Variants in UBTD2 observed in about 807,000 individuals in gnomAD.
UBTD2 encodes ubiquitin domain containing 2.
UBTD2 carries 9 observed loss-of-function variants against 19.8 expected under a neutral mutation model. The ratio of observed to expected loss-of-function variants is 0.46; its 90% CI spans 0.27 to 0.79. The LOEUF is 0.79. Ranked by LOEUF, UBTD2 falls within the 30% of genes least tolerant of loss-of-function variation. The pLI is 0.14. For synonymous variants in UBTD2, 98 were observed against 103.9 expected, an observed-to-expected ratio of 0.94 and a Z score of 0.35; for missense variants, 250 against 300.4, an observed-to-expected ratio of 0.83 and a Z score of 1.24.
intron 1 of UBTD2, among the ~76,000 whole-genome samples, chr5:172,269,886 G>A (rs1197937741): frequency 1.3e-5 from 2 of 151,572 alleles, no homozygotes; most frequent in African/African-American, 2.4e-5. Context: ...GACCGGCCTG[G>A]CCAACATGGT....
At chr5:172,219,823 A>G (rs1173899446) in intron 2 of UBTD2, among the ~76,000 whole-genome samples, 2 of 152,214 alleles carry the variant, frequency 1.3e-5, no homozygotes, top group African/African-American at 4.8e-5. Flanking sequence ...TCAGTTGAAA[A>G]AGGCATTACA....
chr5:172,267,917 G>A (rs1016018605), intron 1 of UBTD2, among the ~76,000 whole-genome samples: 1 of 152,194 alleles, frequency 6.6e-6, no homozygotes, highest in Non-Finnish European at 1.5e-5. Context: ...GAACACTCAA[G>A]GGTTCTTCTG....
At chr5:172,259,402 A>C in intron 1 of UBTD2, among the ~76,000 whole-genome samples, 1 of 151,926 alleles carries the variant, frequency 6.6e-6, no homozygotes, top group South Asian at 2.1e-4. Context: ...CAGCCTCCCA[A>C]AGTGCTGGGA....
chr5:172,228,261 T>C (rs985325190), intron 2 of UBTD2, among the ~76,000 whole-genome samples: 3 of 152,316 alleles, frequency 2.0e-5, no homozygotes, highest in East Asian at 1.9e-4. Context: ...GTCCAGGGCA[T>C]TGAGTTGCAT....
At chr5:172,212,257 T>G (rs1771467255) in intron 2 of UBTD2, 30 bp from the exon 3 acceptor site, 1 of 1,550,428 alleles carries the variant, frequency 6.4e-7, no homozygotes, top group African/African-American at 1.4e-5. Flanking sequence ...GAATAAGAAC[T>G]TAATCCTTAA....
At chr5:172,240,184 T>C (rs1340254405) in intron 1 of UBTD2, among the ~76,000 whole-genome samples, 1 of 152,196 alleles carries the variant, frequency 6.6e-6, no homozygotes, top group Admixed American at 6.5e-5. Flanking sequence ...TAATCTATGT[T>C]GTGGAGATAC....
rs373100559 is a variant in UBTD2 at position 172,217,657 on chromosome 5, T to C, written c.308-5430A>G. Among the ~76,000 whole-genome samples, 14 of 152,090 alleles carry C rather than the reference T, an allele frequency of 9.2e-5. No individual in the cohort carries two copies. In the East Asian group the frequency reaches 1.7e-3, roughly 19 times the overall value. On this transcript the variant is annotated intron_variant, in intron 2 of 2. Transcript: ENST00000393792. Reference sequence around the variant, plus strand: ...TACCCCACCATGCCCAGGTAATTTTTGTATTTTTTGGTAGAGGCAGGGTTT... The same window carrying C: ...TACCCCACCATGCCCAGGTAATTTTCGTATTTTTTGGTAGAGGCAGGGTTT...
At chr5:172,255,658 T>C (rs1275202608) in intron 1 of UBTD2, among the ~76,000 whole-genome samples, 1 of 152,112 alleles carries the variant, frequency 6.6e-6, no homozygotes. Flanking sequence ...GAGGCTCCCC[T>C]CTGGCTCCTG....
At chr5:172,219,746 C>A (rs1371739526) in intron 2 of UBTD2, among the ~76,000 whole-genome samples, 1 of 152,182 alleles carries the variant, frequency 6.6e-6, no homozygotes, top group Non-Finnish European at 1.5e-5. Context: ...AAAAAAAACT[C>A]ATGCTAGTTT....
At position 172,265,888 on chromosome 5, in the gene UBTD2, T is replaced by C. The variant is rs146885800; in HGVS notation, c.70+17708A>G. Among the ~76,000 whole-genome samples, 5 of 151,988 alleles carry C rather than the reference T, an allele frequency of 3.3e-5. No individual in the cohort carries two copies. The East Asian group carries it at 9.7e-4, about 29-fold the overall frequency. ...TTTTTTAAAGCAAGTGGGAGGGGCA[T>C]GCTAGTTTTAAGAACTGTAATAAAA... On this transcript the variant is annotated intron_variant, in intron 1 of 2. Transcript: ENST00000393792.
intron 1 of UBTD2, among the ~76,000 whole-genome samples, chr5:172,238,788 G>T (rs961847370): frequency 3.9e-5 from 6 of 152,140 alleles, no homozygotes; most frequent in Non-Finnish European, 8.8e-5. Flanking sequence ...TGAAAACCTT[G>T]ATTTAATGAT....
chr5:172,219,632 A>C (rs571719027), intron 2 of UBTD2, among the ~76,000 whole-genome samples: 3 of 152,342 alleles, frequency 2.0e-5, no homozygotes, highest in Non-Finnish European at 4.4e-5. Context: ...CTTTTTAAAA[A>C]TGAAAATGTG....
In UBTD2 at chr5:172,211,322, T is replaced by C. The variant is rs1164665562; in HGVS notation, c.*508A>G. The C allele has an allele frequency of 6.6e-6, 1 of 150,658 alleles. No individual in the cohort carries two copies. The highest frequency in any genetic ancestry group is 2.0e-4 in the East Asian group (1 of 5,110). The allele number at this position is 150,658 out of a possible 1,614,324, so 9.3% of individuals were successfully genotyped here. A position where few individuals can be genotyped will look rare whatever the true frequency, so the allele number is the denominator to read the frequency against. On this transcript the variant is annotated 3_prime_UTR_variant, in exon 3 of 3. Coordinates refer to ENST00000393792, the MANE Select transcript of UBTD2 (RefSeq NM_152277.3). Reference sequence around the variant, plus strand: ...AAACCAGAATAGAAGCAACCTCAAATACTGCTCTTTTCAGTTTCCATTAAC... The same window carrying C: ...AAACCAGAATAGAAGCAACCTCAAACACTGCTCTTTTCAGTTTCCATTAAC...
At chr5:172,236,546 A>T (rs1772013113) in intron 1 of UBTD2, among the ~76,000 whole-genome samples, 1 of 152,230 alleles carries the variant, frequency 6.6e-6, no homozygotes, top group Non-Finnish European at 1.5e-5. Context: ...TGATTGCACC[A>T]ACACGATGGA....
intron 1 of UBTD2, chr5:172,254,856 T>A (rs748347282): frequency 5.7e-6 from 3 of 527,548 alleles, no homozygotes; most frequent in Non-Finnish European, 1.1e-5. Flanking sequence ...TATGATTCAA[T>A]TACAGGTACT....
chr5:172,240,406 A>G (rs1389493949), intron 1 of UBTD2, among the ~76,000 whole-genome samples: 2 of 152,226 alleles, frequency 1.3e-5, no homozygotes, highest in Non-Finnish European at 2.9e-5. Flanking sequence ...TGCCATGCTC[A>G]TATCCTAAAG....
At chr5:172,248,506 T>C (rs1754927928) in intron 1 of UBTD2, among the ~76,000 whole-genome samples, 1 of 151,890 alleles carries the variant, frequency 6.6e-6, no homozygotes, top group Non-Finnish European at 1.5e-5. Context: ...AAGAATTGCT[T>C]GAACCCAGGA....
chr5:172,218,170 TCAGA>T (rs1188071998), intron 2 of UBTD2, among the ~76,000 whole-genome samples: 6 of 152,102 alleles, frequency 3.9e-5, no homozygotes, highest in African/African-American at 1.2e-4. Flanking sequence ...GAAATGAATA[TCAGA>T]CAGGTAGTTG....
At chr5:172,263,550 T>C (rs943369404) in intron 1 of UBTD2, among the ~76,000 whole-genome samples, 46 of 152,276 alleles carry the variant, frequency 3.0e-4, no homozygotes, top group South Asian at 2.3e-3. Context: ...GTCCCAGCAC[T>C]TTGGGAGGTT....
Sources: allele counts gnomAD v4.1 joint callset (sites outside exome capture counted in the v4.1 genomes callset), GRCh38; gene constraint gnomAD v4.1.1; transcripts MANE v1.5; gene names NCBI Gene and HGNC (gene_info 2026-07-23, HGNC 2026-07-21).